The following PGPEP1 variants were observed in gnomAD, a reference collection of about 807,000 sequenced individuals.
The protein encoded by PGPEP1 is pyroglutamyl-peptidase I.
Under a neutral mutation model 24.1 loss-of-function variants are expected in PGPEP1, and 15 were observed. The observed-to-expected ratio is 0.62, with a 90% confidence interval of 0.42 to 0.96. The LOEUF (loss-of-function observed/expected upper bound fraction) is 0.96, where lower values mean the gene tolerates loss of function less well. Ranked by LOEUF, PGPEP1 falls within the 40% of genes least tolerant of loss-of-function variation. PGPEP1 has a pLI of 0.00. For synonymous variants in PGPEP1, 122 were observed against 116.4 expected (o/e 1.05, Z -0.31); for missense variants, 242 against 273.4 (o/e 0.89, Z 0.81).
At chr19:18,355,137 T>G (rs1420943264) in intron 2 of PGPEP1, among the ~76,000 whole-genome samples, 1 of 151,482 alleles carries the variant, frequency 6.6e-6, no homozygotes, top group African/African-American at 2.4e-5. Flanking sequence ...CCCAGCCAAT[T>G]TTTTTGTATT....
In PGPEP1 at chr19:18,363,740, A is replaced by C; in HGVS notation, c.*157A>C. The C allele has an allele frequency of 1.9e-6, 1 of 537,858 alleles. No homozygotes were observed. Among genetic ancestry groups the C allele is most frequent in the Non-Finnish European group, 3.2e-6 (1 of 312,748 alleles). 33.3% of individuals were successfully genotyped at this position (537,858 alleles called of 1,614,324 possible). The stretch of plus-strand genomic sequence containing the variant: ...GCCCACCTCCTCTTCCTCCTTCTCT[A>C]CAAAAGCTCCGGTTGATTCGAGGGA... On this transcript the variant is annotated 3_prime_UTR_variant, in exon 5 of 5. Transcript: ENST00000269919.
chr19:18,345,398 T>TAAACA (rs1225432942), intron 2 of PGPEP1, among the ~76,000 whole-genome samples: 1 of 151,618 alleles, frequency 6.6e-6, no homozygotes, highest in African/African-American at 2.4e-5. Flanking sequence ...TTGTTTCACT[T>TAAACA]AAACAAAACA....
At chr19:18,360,617 C>T (rs1479366279) in intron 4 of PGPEP1, among the ~76,000 whole-genome samples, 1 of 151,928 alleles carries the variant, frequency 6.6e-6, no homozygotes, top group Non-Finnish European at 1.5e-5. Flanking sequence ...CTCCACCTCC[C>T]GGGTTCAAGC....
intron 2 of PGPEP1, 41 bp downstream of exon 2, chr19:18,342,952 G>C (rs762619925): frequency 9.3e-6 from 14 of 1,504,444 alleles, no homozygotes; most frequent in Non-Finnish European, 1.0e-5. Context: ...CTTGGAGCTG[G>C]GCACACCCCA....
rs1249701878 is a variant in PGPEP1 at position 18,364,107 on chromosome 19, T to C, written c.*524T>C. The stretch of plus-strand genomic sequence containing the variant: ...GGCTTTCTTTCTTTCTTTCTTTCTT[T>C]CTTTCTTGCTTTCTTTCTTTCTTGC... On this transcript the variant is annotated 3_prime_UTR_variant, in exon 5 of 5. Transcript: ENST00000269919. 6.9e-6 allele frequency: 1 copy of C among 144,298 alleles called. No homozygotes were observed. The highest frequency in any genetic ancestry group is 2.0e-4 in the East Asian group (1 of 4,884). The allele number at this position is 144,298 out of a possible 1,614,324, so 8.9% of individuals were successfully genotyped here.
rs1321149171 is a variant in PGPEP1 at position 18,369,664 on chromosome 19, C to A, written c.*6081C>A. ...CACCGGCTTGGTTCTGGGGGCTCCT[C>A]TAACATCTCAGGTTTTTATCTTGTC... On this transcript the variant is annotated 3_prime_UTR_variant, in exon 5 of 5. Transcript: ENST00000269919. 4 of 152,190 alleles carry A rather than the reference C, an allele frequency of 2.6e-5. No individual in the cohort carries two copies. Among genetic ancestry groups the A allele is most frequent in the African/African-American group, 7.2e-5 (3 of 41,464 alleles). The allele number at this position is 152,190 out of a possible 1,614,324, so 9.4% of individuals were successfully genotyped here. A position where few individuals can be genotyped will look rare whatever the true frequency, so the allele number is the denominator to read the frequency against.
chr19:18,348,929 T>A (rs868354700), intron 2 of PGPEP1: 26 of 170,644 alleles, frequency 1.5e-4, no homozygotes, highest in African/African-American at 6.0e-4. Flanking sequence ...GCTAATTTTT[T>A]AAATTTTATT....
In PGPEP1 at chr19:18,368,935, G is replaced by A. The variant is rs1418514614; in HGVS notation, c.*5352G>A. On this transcript the variant is annotated 3_prime_UTR_variant, in exon 5 of 5. Coordinates refer to ENST00000269919, the MANE Select transcript of PGPEP1 (RefSeq NM_017712.4). ...CCCATCCTCAGCATCCTAACTTGAG[G>A]GGGCAGGAGAGGGCTTTGTTTTTAT... 2.0e-5 allele frequency: 3 copies of A among 152,358 alleles called. No individual in the cohort carries two copies. Among genetic ancestry groups the A allele is most frequent in the Non-Finnish European group, 4.4e-5 (3 of 68,072 alleles). The allele number at this position is 152,358 out of a possible 1,614,324, so 9.4% of individuals were successfully genotyped here.
At chr19:18,350,650 A>G (rs1970993604) in intron 2 of PGPEP1, among the ~76,000 whole-genome samples, 1 of 152,238 alleles carries the variant, frequency 6.6e-6, no homozygotes, top group Non-Finnish European at 1.5e-5. Context: ...ATCCATAGCG[A>G]CCAGTTTCTG....
At chr19:18,344,680 G>T (rs1405556477) in intron 2 of PGPEP1, among the ~76,000 whole-genome samples, 1 of 151,580 alleles carries the variant, frequency 6.6e-6, no homozygotes, top group African/African-American at 2.4e-5. Context: ...CCGAGGCCCT[G>T]CCTGCTCACC....
At chr19:18,361,364 C>T (rs1971344363) in intron 4 of PGPEP1, among the ~76,000 whole-genome samples, 1 of 152,076 alleles carries the variant, frequency 6.6e-6, no homozygotes, top group Admixed American at 6.6e-5. Flanking sequence ...GTCTTGAACT[C>T]CTGACCTCAG....
intron 2 of PGPEP1, among the ~76,000 whole-genome samples, chr19:18,347,175 G>A (rs11879605): frequency 2.0e-5 from 3 of 150,882 alleles, no homozygotes; most frequent in Non-Finnish European, 4.4e-5. Flanking sequence ...TTGACCTCCC[G>A]GGCTCAGGTG....
chr19:18,361,583 C>A (rs1971350594), intron 4 of PGPEP1: 1 of 280,796 alleles, frequency 3.6e-6, no homozygotes, highest in Non-Finnish European at 5.4e-6. Context: ...CCATACCCAG[C>A]TTCCATCAGT....
At chr19:18,343,718 C>T (rs908039988) in intron 2 of PGPEP1, among the ~76,000 whole-genome samples, 2 of 130,676 alleles carry the variant, frequency 1.5e-5, no homozygotes, top group African/African-American at 2.9e-5. Flanking sequence ...AAATCTCACT[C>T]TGTTGCCCAG....
chr19:18,340,707 T>C lies in PGPEP1; in HGVS notation c.26T>C (p.Val9Ala), dbSNP rs753441922. Residue 9 changes from valine (V) to alanine (A), a missense_variant, in exon 1 of 5, where the codon GTA becomes GCA. Coordinates refer to ENST00000269919, the MANE Select transcript of PGPEP1 (RefSeq NM_017712.4). MEQPRKAV[V>A]VTGFGPFGEH... The stretch of plus-strand genomic sequence containing the variant: ...ATGGAGCAGCCGAGGAAGGCGGTGG[T>C]AGTGACGGGTACGCTGGCTGATGGG... 5 of 1,530,342 alleles carry C rather than the reference T, an allele frequency of 3.3e-6. No individual in the cohort carries two copies. The East Asian group carries it at 1.3e-4, about 41-fold the overall frequency. The allele number at this position is 1,530,342 out of a possible 1,614,324, so 94.8% of individuals were successfully genotyped here. A position where few individuals can be genotyped will look rare whatever the true frequency, so the allele number is the denominator to read the frequency against.
intron 4 of PGPEP1, among the ~76,000 whole-genome samples, chr19:18,360,016 G>A (rs1971297677): frequency 6.6e-6 from 1 of 152,078 alleles, no homozygotes; most frequent in South Asian, 2.1e-4. Context: ...CAGGATTTTT[G>A]TTTTTGGAGA....
rs746030271 is a variant in PGPEP1, at chr19:18,340,655, A to G, written c.-27A>G. 2.6e-6 allele frequency: 4 copies of G among 1,534,768 alleles called. No individual in the cohort carries two copies. The highest frequency in any genetic ancestry group is 3.5e-6 in the Non-Finnish European group (4 of 1,144,192). On this transcript the variant is annotated 5_prime_UTR_variant, in exon 1 of 5. Transcript: ENST00000269919. ...CTGTCGCGCCAGTCGCAACAGAAGC[A>G]GGTCCGAGGCACAGCCCGATCCCGC...
At chr19:18,352,852 A>G (rs1193450275) in intron 2 of PGPEP1, among the ~76,000 whole-genome samples, 2 of 151,006 alleles carry the variant, frequency 1.3e-5, no homozygotes, top group African/African-American at 4.9e-5. Context: ...CACCGTACTC[A>G]GCCACCTCTC....
At chr19:18,347,059 GCTCT>G (rs1431391280) in intron 2 of PGPEP1, among the ~76,000 whole-genome samples, 1 of 146,326 alleles carries the variant, frequency 6.8e-6, no homozygotes, top group Non-Finnish European at 1.5e-5. Flanking sequence ...TCTCTTTCTC[GCTCT>G]CTTTTTTTTT....
Sources: allele counts gnomAD v4.1 joint callset (sites outside exome capture counted in the v4.1 genomes callset), GRCh38; gene constraint gnomAD v4.1.1; transcripts MANE v1.5; gene names NCBI Gene and HGNC (gene_info 2026-07-23, HGNC 2026-07-21).